RLIG1: variants seen among roughly 807,000 people sequenced by gnomAD.
The protein encoded by RLIG1 is RNA 5'-phosphate and 3'-OH ligase 1.
chr12:88,035,998 G>C, the RLIG1 span: 1 of 1,505,316 alleles, frequency 6.6e-7, no homozygotes, highest in South Asian at 1.2e-5. Context: ...GTCCTCGCAA[G>C]GAAATGGATA....
chr12:88,041,616 G>C, the RLIG1 span: 8 of 151,996 alleles, frequency 5.3e-5, no homozygotes, highest in Non-Finnish European at 1.0e-4. Flanking sequence ...TTTTGTTTTT[G>C]TTTTTGGATA....
chr12:88,037,100 C>CT, the RLIG1 span, among the ~76,000 whole-genome samples: 4 of 152,162 alleles, frequency 2.6e-5, no homozygotes, highest in African/African-American at 9.7e-5. Flanking sequence ...TTCCATCGTC[C>CT]TTAAAGTGGA....
At chr12:88,046,881 T>C in the RLIG1 span, 39 of 1,613,230 alleles carry the variant, frequency 2.4e-5, no homozygotes, top group Middle Eastern at 3.3e-4. Context: ...TCTACCTTCA[T>C]TGAAGCACAA....
chr12:88,042,902 T>C, the RLIG1 span: 2 of 1,566,450 alleles, frequency 1.3e-6, no homozygotes, highest in South Asian at 1.2e-5. Flanking sequence ...TTTTCTACAT[T>C]CAAAAGAAAA....
At chr12:88,043,024 T>C in the RLIG1 span, 2 of 535,126 alleles carry the variant, frequency 3.7e-6, no homozygotes, top group Non-Finnish European at 6.1e-6. Context: ...ATTTAAGCAA[T>C]TTAGGAAAAC....
the RLIG1 span, among the ~76,000 whole-genome samples, chr12:88,043,131 A>G: frequency 3.3e-5 from 5 of 152,100 alleles, no homozygotes; most frequent in African/African-American, 1.2e-4. Context: ...TGAGTCTATT[A>G]AAACATACAA....
chr12:88,047,891 C>CT, the RLIG1 span, among the ~76,000 whole-genome samples: 1 of 152,072 alleles, frequency 6.6e-6, no homozygotes, highest in Admixed American at 6.6e-5. Flanking sequence ...AGAATGCCTC[C>CT]TTGCCCACAT....
At chr12:88,040,162 G>T in the RLIG1 span, 4 of 1,606,788 alleles carry the variant, frequency 2.5e-6, no homozygotes, top group South Asian at 4.4e-5. Flanking sequence ...TTAAAGTTTT[G>T]GCAACTGAAA....
chr12:88,047,002 G>C, the RLIG1 span: 2 of 1,561,930 alleles, frequency 1.3e-6, no homozygotes, highest in Non-Finnish European at 8.7e-7. Flanking sequence ...GCTCCGGTGG[G>C]GTTATGTCAT....
the RLIG1 span, among the ~76,000 whole-genome samples, chr12:88,036,547 C>T: frequency 3.3e-5 from 5 of 152,172 alleles, no homozygotes; most frequent in East Asian, 9.6e-4. Flanking sequence ...TCTTTAGTCC[C>T]AGCTTCTAGG....
At chr12:88,045,814 A>G in the RLIG1 span, 2 of 1,539,228 alleles carry the variant, frequency 1.3e-6, no homozygotes, top group East Asian at 2.3e-5. Context: ...AGTTATTGTA[A>G]CTGACATTTA....
chr12:88,046,266 G>A, the RLIG1 span, among the ~76,000 whole-genome samples: 1 of 152,114 alleles, frequency 6.6e-6, no homozygotes, highest in Non-Finnish European at 1.5e-5. Context: ...ACCTAAGGAT[G>A]CTAAAGCTAT....
At chr12:88,045,090 G>A in the RLIG1 span, 2 of 154,186 alleles carry the variant, frequency 1.3e-5, no homozygotes, top group African/African-American at 4.8e-5. Flanking sequence ...AATCTAGTGT[G>A]AGTAATGAAG....
At chr12:88,044,452 A>G in the RLIG1 span, 1 of 152,200 alleles carries the variant, frequency 6.6e-6, no homozygotes, top group Non-Finnish European at 1.5e-5. Flanking sequence ...CTCAACCGGC[A>G]TGTCTTGAGT....
chr12:88,046,039 G>T, the RLIG1 span, among the ~76,000 whole-genome samples: 1 of 152,064 alleles, frequency 6.6e-6, no homozygotes, highest in African/African-American at 2.4e-5. Context: ...TGACTCAGTT[G>T]TAACCCCCTT....
At chr12:88,044,147 G>A in the RLIG1 span, 2 of 178,444 alleles carry the variant, frequency 1.1e-5, no homozygotes, top group Middle Eastern at 2.2e-3. Flanking sequence ...GGCATTGTGC[G>A]CCTGTAGTCT....
the RLIG1 span, among the ~76,000 whole-genome samples, chr12:88,040,440 G>A: frequency 6.6e-6 from 1 of 152,026 alleles, no homozygotes; most frequent in Non-Finnish European, 1.5e-5. Context: ...TTTCTTCCTG[G>A]TGGAAAAAAG....
the RLIG1 span, among the ~76,000 whole-genome samples, chr12:88,047,786 G>A: frequency 4.6e-5 from 7 of 151,956 alleles, no homozygotes; most frequent in Non-Finnish European, 1.0e-4. Context: ...CTCTGCCCCC[G>A]CAAACACACT....
the RLIG1 span, chr12:88,045,873 A>C: frequency 1.1e-6 from 1 of 924,272 alleles, no homozygotes; most frequent in Non-Finnish European, 1.6e-6. Context: ...ACACTAAAGA[A>C]ATGACTAACA....
Sources: gnomAD v4.1 joint callset for allele counts (sites outside exome capture counted in the v4.1 genomes callset) on GRCh38, gnomAD v4.1.1 for gene constraint, MANE v1.5 for transcripts, NCBI Gene and HGNC (gene_info 2026-07-23, HGNC 2026-07-21) for gene names.